The following PBX1 variants were observed in gnomAD, a reference collection of about 807,000 sequenced individuals.
PBX1 encodes pre-B-cell leukemia transcription factor 1.
In PBX1, 6 loss-of-function variants were observed where a neutral mutation model predicts 53.4. The observed-to-expected ratio is 0.11, with a 90% CI of 0.06 to 0.22. The LOEUF (loss-of-function observed/expected upper bound fraction) is 0.22, where lower values mean the gene tolerates loss of function less well. Ranked by LOEUF, PBX1 falls within the 10% of genes least tolerant of loss-of-function variation. The pLI is 1.00. For missense variants in PBX1, 251 were observed against 551.4 expected (o/e 0.46, Z 5.46); for synonymous variants, 204 against 212.3 (o/e 0.96, Z 0.34).
rs1426225899 is a variant in PBX1 at position 164,850,435 on chromosome 1, T to C, written c.*3759T>C. On this transcript the variant is annotated 3_prime_UTR_variant, in exon 9 of 9. Coordinates refer to ENST00000420696, the MANE Select transcript of PBX1 (RefSeq NM_002585.4). ...AACTTTGAGACCCAGAAATAAATTC[T>C]TTTCTTTTCTTGATTCTTGCTCTTA... 14 of 202,306 alleles carry C rather than the reference T, an allele frequency of 6.9e-5. No individual in the cohort carries two copies. The East Asian group carries it at 1.1e-3, about 16-fold the overall frequency. The allele number at this position is 202,306 out of a possible 1,614,324, so 12.5% of individuals were successfully genotyped here.
chr1:164,658,342 A>G (rs1048683636), intron 2 of PBX1, among the ~76,000 whole-genome samples: 2 of 152,214 alleles, frequency 1.3e-5, no homozygotes, highest in Admixed American at 6.5e-5. Context: ...GTGGAGCTCA[A>G]CTGATTGAAA....
At chr1:164,722,600 G>T (rs1664469710) in intron 2 of PBX1, among the ~76,000 whole-genome samples, 2 of 152,072 alleles carry the variant, frequency 1.3e-5, no homozygotes, top group Admixed American at 1.3e-4. Flanking sequence ...AAGATGTTTG[G>T]ATCTCTCTCC....
chr1:164,800,285 C>A (rs1327180279), intron 4 of PBX1, among the ~76,000 whole-genome samples: 1 of 152,246 alleles, frequency 6.6e-6, no homozygotes, highest in African/African-American at 2.4e-5. Context: ...AAATTGGGAT[C>A]TTTTCCACAC....
At chr1:164,718,526 T>G (rs1664237144) in intron 2 of PBX1, among the ~76,000 whole-genome samples, 1 of 152,192 alleles carries the variant, frequency 6.6e-6, no homozygotes, top group South Asian at 2.1e-4. Context: ...GGGTGACAAA[T>G]GGAGTGTTCA....
intron 2 of PBX1, among the ~76,000 whole-genome samples, chr1:164,747,495 C>T (rs369184131): frequency 7.9e-5 from 12 of 152,156 alleles, no homozygotes; most frequent in African/African-American, 2.6e-4. Context: ...ATTTTGTGTT[C>T]TGCTAGATAG....
At chr1:164,707,094 A>G (rs955283921) in intron 2 of PBX1, among the ~76,000 whole-genome samples, 28 of 152,116 alleles carry the variant, frequency 1.8e-4, no homozygotes, top group African/African-American at 6.8e-4. Flanking sequence ...TGAAACAGCA[A>G]ATGTCAGGGA....
Position 164,859,749 on chromosome 1 carries a change from A to G in PBX1, n.257+28266A>G, listed in dbSNP as rs79451700. On this transcript the variant is annotated intron_variant and non_coding_transcript_variant, in intron 2 of 2. Transcript: ENST00000558796. ...ACTGGCCACCTCCTATGTGCCAGGC[A>G]CTGCTCTGTACCCCAGGCGAATCTT... Among the ~76,000 whole-genome samples the G allele has an allele frequency of 4.0e-4, 61 of 152,324 alleles. 1 individual carries two copies. The highest frequency in any genetic ancestry group is 2.1e-3 in the Admixed American group (32 of 15,298).
intron 2 of PBX1, among the ~76,000 whole-genome samples, chr1:164,707,418 T>TGTGTGTGAGAGAGAGAGAGAGAGAGAGA (rs58617739): frequency 8.5e-6 from 1 of 118,210 alleles, no homozygotes; most frequent in African/African-American, 3.8e-5. Flanking sequence ...TGTGTGTGTG[T>TGTGTGTGAGAGAGAGAGAGAGAGAGAGA]GAGAGAGAGA....
intron 2 of PBX1, among the ~76,000 whole-genome samples, chr1:164,707,432 A>T (rs1192561300): frequency 0.019 from 2,878 of 150,238 alleles, 71 homozygotes; most frequent in South Asian, 0.081. Flanking sequence ...AGAGAGAGAG[A>T]GAGAGAGAGA....
chr1:164,834,882 A>G (rs980935433), intron 8 of PBX1, among the ~76,000 whole-genome samples: 1 of 152,026 alleles, frequency 6.6e-6, no homozygotes, highest in African/African-American at 2.4e-5. Context: ...TTAGATATGG[A>G]CTCTTCTTCA....
At chr1:164,859,309 T>A (rs1364068027) in intron 2 of PBX1, among the ~76,000 whole-genome samples, 1 of 152,190 alleles carries the variant, frequency 6.6e-6, no homozygotes, top group Non-Finnish European at 1.5e-5. Context: ...TGGAGAGCCC[T>A]GAATTCCTGC....
intron 2 of PBX1, among the ~76,000 whole-genome samples, chr1:164,778,660 G>T (rs529028214): frequency 6.6e-6 from 1 of 151,526 alleles, no homozygotes; most frequent in East Asian, 1.9e-4. Flanking sequence ...AGAAGAACAG[G>T]TTAAGAGTGT....
intron 2 of PBX1, among the ~76,000 whole-genome samples, chr1:164,707,412 TGTGTGTGAGAGAGA>T (rs1281362417): frequency 4.7e-5 from 5 of 106,628 alleles, no homozygotes; most frequent in African/African-American, 2.3e-4. Flanking sequence ...TGTGTGTGTG[TGTGTGTGAGAGAGA>T]GAGAGAGAGA....
At chr1:164,864,254 C>T (rs1428785661) in intron 2 of PBX1, among the ~76,000 whole-genome samples, 1 of 151,940 alleles carries the variant, frequency 6.6e-6, no homozygotes, top group Non-Finnish European at 1.5e-5. Context: ...TTTCCCATAC[C>T]TCCCTCCTCT....
chr1:164,713,035 C>A (rs1220494745), intron 2 of PBX1, among the ~76,000 whole-genome samples: 2 of 152,164 alleles, frequency 1.3e-5, no homozygotes, highest in Non-Finnish European at 2.9e-5. Context: ...GGAGCACAGG[C>A]AAGTCTTGAG....
intron 2 of PBX1, among the ~76,000 whole-genome samples, chr1:164,700,058 C>T (rs1038202339): frequency 2.6e-5 from 4 of 152,102 alleles, no homozygotes; most frequent in Non-Finnish European, 4.4e-5. Flanking sequence ...GGTAATGTGG[C>T]GGGAGGTAAT....
chr1:164,731,487 A>C (rs1224019489), intron 2 of PBX1, among the ~76,000 whole-genome samples: 2 of 152,286 alleles, frequency 1.3e-5, no homozygotes, highest in East Asian at 3.9e-4. Flanking sequence ...TTGTGGCAGC[A>C]GGGCTGCCTA....
At chr1:164,876,458 C>T (rs555818565) in intron 2 of PBX1, among the ~76,000 whole-genome samples, 1 of 151,440 alleles carries the variant, frequency 6.6e-6, no homozygotes, top group Admixed American at 6.6e-5. Flanking sequence ...AAAAAGGCTC[C>T]CATGCAGGGA....
chr1:164,774,166 A>G (rs1225776856), intron 2 of PBX1, among the ~76,000 whole-genome samples: 2 of 151,710 alleles, frequency 1.3e-5, no homozygotes, highest in East Asian at 3.9e-4. Context: ...TGACAGAATA[A>G]AAAAAAAATA....
Sources: allele counts gnomAD v4.1 joint callset (sites outside exome capture counted in the v4.1 genomes callset), GRCh38; gene constraint gnomAD v4.1.1; transcripts MANE v1.5; gene names NCBI Gene and HGNC (gene_info 2026-07-23, HGNC 2026-07-21).